The following RAB33A variants were observed in gnomAD, a reference collection of about 807,000 sequenced individuals.
RAB33A encodes the protein ras-related protein Rab-33A.
Under a neutral mutation model 12.0 loss-of-function variants are expected in RAB33A, and 6 were observed. The observed-to-expected ratio is 0.50, with a 90% CI of 0.27 to 0.99. The LOEUF (loss-of-function observed/expected upper bound fraction) is 0.99, where lower values mean the gene tolerates loss of function less well. Ranked by LOEUF, RAB33A falls within the 50% of genes least tolerant of loss-of-function variation. RAB33A has a pLI of 0.11. For missense variants in RAB33A, 109 were observed against 192.0 expected (o/e 0.57, Z 2.55); for synonymous variants, 70 against 82.4 (o/e 0.85, Z 0.81).
chrX:130,150,152 GA>G, the RAB33A span, among the ~76,000 whole-genome samples: 1 of 110,838 alleles, frequency 9.0e-6, no homozygotes, highest in African/African-American at 3.3e-5. Flanking sequence ...ATCTCATTCA[GA>G]AAAACTACAC....
chrX:130,162,420 T>C, the RAB33A span, among the ~76,000 whole-genome samples: 54,690 of 111,146 alleles, frequency 0.49, 10,319 homozygotes, highest in African/African-American at 0.69. Flanking sequence ...AGGAACTGGT[T>C]CTCTACTCGA....
intron 1 of RAB33A, 107 bp downstream of exon 1, chrX:130,172,427 C>T (rs2031621061): frequency 1.9e-6 from 2 of 1,031,174 alleles, no homozygotes; most frequent in South Asian, 4.6e-5. Flanking sequence ...GTGGCGGTTT[C>T]GCCTCTTGCT....
At chrX:130,140,634 C>T in the RAB33A span, 2 of 1,150,977 alleles carry the variant, frequency 1.7e-6, no homozygotes, top group Non-Finnish European at 2.4e-6. Flanking sequence ...CAGTCACACA[C>T]ATACACAAAA....
intron 1 of RAB33A, among the ~76,000 whole-genome samples, chrX:130,184,064 T>C (rs2031760523): frequency 8.9e-6 from 1 of 111,919 alleles, no homozygotes; most frequent in Non-Finnish European, 1.9e-5. Flanking sequence ...TAATTTTGTA[T>C]TTTTAGTAGA....
At chrX:130,131,139 G>A in the RAB33A span, among the ~76,000 whole-genome samples, 1 of 111,007 alleles carries the variant, frequency 9.0e-6, no homozygotes, top group African/African-American at 3.3e-5. Context: ...TTCCAAGAGA[G>A]GTGCCTCCCA....
chrX:130,131,202 A>G, the RAB33A span, among the ~76,000 whole-genome samples: 1 of 112,037 alleles, frequency 8.9e-6, no homozygotes, highest in Admixed American at 9.5e-5. Flanking sequence ...AGGCAGCTAA[A>G]TAACTACTCA....
the RAB33A span, chrX:130,155,338 G>A: frequency 2.5e-6 from 3 of 1,178,287 alleles, no homozygotes; most frequent in South Asian, 1.8e-5. Flanking sequence ...AGAGTACTAA[G>A]TATTAATGAA....
At chrX:130,169,134 G>C (rs372501113), upstream of RAB33A, among the ~76,000 whole-genome samples, 1 of 108,239 alleles carries the variant, frequency 9.2e-6, no homozygotes, top group African/African-American at 3.4e-5. Context: ...CGTGAACCTG[G>C]GAGGCGGAGC....
At chrX:130,165,604 G>C in the RAB33A span, 1 of 1,203,738 alleles carries the variant, frequency 8.3e-7, no homozygotes, top group Non-Finnish European at 1.1e-6. Context: ...CCGCACCAAG[G>C]GCACCAGCTT....
chrX:130,155,329 G>C, the RAB33A span: 4 of 1,189,873 alleles, frequency 3.4e-6, no homozygotes, highest in Non-Finnish European at 4.6e-6. Context: ...AAAGGAAACA[G>C]AGTACTAAGT....
At chrX:130,156,750 A>T in the RAB33A span, 1 of 654,046 alleles carries the variant, frequency 1.5e-6, no homozygotes. Context: ...TCAAAACTGC[A>T]TATATAAATA....
the RAB33A span, among the ~76,000 whole-genome samples, chrX:130,128,526 C>T: frequency 4.0e-4 from 45 of 111,630 alleles, no homozygotes; most frequent in Non-Finnish European, 5.6e-4. Context: ...GAGCCTAGGT[C>T]GCACCATTGC....
the RAB33A span, among the ~76,000 whole-genome samples, chrX:130,119,339 C>T: frequency 8.9e-6 from 1 of 111,805 alleles, no homozygotes; most frequent in Non-Finnish European, 1.9e-5. Context: ...AGCACGTGAC[C>T]CCATTAGCTC....
At chrX:130,111,433 G>A in the RAB33A span, among the ~76,000 whole-genome samples, 5 of 113,014 alleles carry the variant, frequency 4.4e-5, no homozygotes, top group African/African-American at 1.6e-4. Context: ...CCTGGGGTGT[G>A]CAGGCCCCAG....
At chrX:130,174,792 T>C (rs1294377220) in intron 1 of RAB33A, among the ~76,000 whole-genome samples, 2 of 110,884 alleles carry the variant, frequency 1.8e-5, no homozygotes, top group African/African-American at 3.3e-5. Flanking sequence ...GGGTAGCACA[T>C]ACATGAACCC....
the RAB33A span, among the ~76,000 whole-genome samples, chrX:130,122,143 G>C: frequency 1.8e-5 from 2 of 112,230 alleles, no homozygotes; most frequent in African/African-American, 3.2e-5. Context: ...CCACCCCCTT[G>C]TGACACTAAT....
chrX:130,139,786 G>C, the RAB33A span: 1 of 1,207,713 alleles, frequency 8.3e-7, no homozygotes, highest in Non-Finnish European at 1.1e-6. Flanking sequence ...CACTAAAGCA[G>C]ACAATTACCT....
the RAB33A span, among the ~76,000 whole-genome samples, chrX:130,162,308 C>T: frequency 9.0e-6 from 1 of 111,661 alleles, no homozygotes; most frequent in Non-Finnish European, 1.9e-5. Flanking sequence ...GGGGAAGAGT[C>T]ACTACTCATC....
At chrX:130,118,883 G>A in the RAB33A span, among the ~76,000 whole-genome samples, 1 of 111,694 alleles carries the variant, frequency 9.0e-6, no homozygotes, top group African/African-American at 3.3e-5. Context: ...GTCCCCTCGT[G>A]CATGCATGTG....
Sources: allele counts gnomAD v4.1 joint callset (sites outside exome capture counted in the v4.1 genomes callset), GRCh38; gene constraint gnomAD v4.1.1; transcripts MANE v1.5; gene names NCBI Gene and HGNC (gene_info 2026-07-23, HGNC 2026-07-21).